The following MED12L variants were observed in gnomAD, a reference collection of about 807,000 sequenced individuals.
The protein encoded by MED12L is mediator of RNA polymerase II transcription subunit 12-like protein.
Under a neutral mutation model 281.3 loss-of-function variants are expected in MED12L, and 60 were observed. The ratio of observed to expected loss-of-function variants is 0.21; its 90% CI spans 0.17 to 0.26. The LOEUF is 0.26. Ranked by LOEUF, MED12L falls within the 10% of genes least tolerant of loss-of-function variation. The pLI is 1.00. For missense variants in MED12L, 2,146 were observed against 2,680.9 expected, an observed-to-expected ratio of 0.80 and a Z score of 4.41; for synonymous variants, 974 against 987.2, an observed-to-expected ratio of 0.99 and a Z score of 0.25.
chr3:151,166,028 GTTT>G (rs750834117), intron 11 of MED12L, 46 bp downstream of exon 11: 2 of 1,529,604 alleles, frequency 1.3e-6, no homozygotes, highest in African/African-American at 2.8e-5. Context: ...TTTTCATAGT[GTTT>G]TTTTCTTCTT....
chr3:151,293,763 A>G (rs907657284), intron 16 of MED12L, among the ~76,000 whole-genome samples: 22 of 152,182 alleles, frequency 1.4e-4, no homozygotes, highest in African/African-American at 5.1e-4. Flanking sequence ...GATGACTGCC[A>G]AAGATCTTAG....
intron 5 of MED12L, among the ~76,000 whole-genome samples, chr3:151,151,305 G>C (rs1472497227): frequency 6.6e-6 from 1 of 151,788 alleles, no homozygotes; most frequent in Non-Finnish European, 1.5e-5. Flanking sequence ...CCAAAGTGCT[G>C]GGATTACAGG....
intron 3 of MED12L, among the ~76,000 whole-genome samples, chr3:151,117,684 T>C (rs1407179841): frequency 1.3e-5 from 2 of 150,390 alleles, no homozygotes; most frequent in African/African-American, 2.5e-5. Context: ...GTAGAATTTT[T>C]CTACAATACT....
chr3:151,189,026 A>G (rs751740620), intron 13 of MED12L, among the ~76,000 whole-genome samples: 4 of 152,190 alleles, frequency 2.6e-5, no homozygotes, highest in Non-Finnish European at 5.9e-5. Flanking sequence ...GTGGGTGAAC[A>G]CTTTTGAAAT....
Position 151,417,479 on chromosome 3 carries a change from C to CCG in MED12L, c.6408+1058_6408+1059insGC, listed in dbSNP as rs373073803. ...CAGTTTGTTCCGCTCCCCCAGCTCC[C>CCG]CCCCCGCCTTTTTTTTTTTTTTTTT... On this transcript the variant is annotated intron_variant, in intron 43 of 44. Transcript: ENST00000687756. Among the ~76,000 whole-genome samples the CCG allele has an allele frequency of 6.2e-3, 674 of 108,714 alleles. 19 individuals carry two copies. The highest frequency in any genetic ancestry group is 0.021 in the African/African-American group (634 of 30,220). 71.3% of individuals were successfully genotyped at this position (108,714 alleles called of 152,430 possible).
chr3:151,282,051 C>A (rs1411668270), intron 16 of MED12L, among the ~76,000 whole-genome samples: 1 of 152,112 alleles, frequency 6.6e-6, no homozygotes, highest in Non-Finnish European at 1.5e-5. Context: ...CTTTTGAAAT[C>A]ATTTTTCTTT....
intron 16 of MED12L, among the ~76,000 whole-genome samples, chr3:151,235,650 C>T (rs1005058647): frequency 2.6e-5 from 4 of 152,024 alleles, no homozygotes; most frequent in South Asian, 2.1e-4. Flanking sequence ...GCTGAGGTCG[C>T]GCCACTGCAC....
At chr3:151,150,730 G>T (rs911288840) in intron 5 of MED12L, among the ~76,000 whole-genome samples, 1 of 152,200 alleles carries the variant, frequency 6.6e-6, no homozygotes, top group Non-Finnish European at 1.5e-5. Context: ...AGATCTTCTG[G>T]ATCACTTGTG....
chr3:151,267,498 G>A (rs1740058162), intron 16 of MED12L, among the ~76,000 whole-genome samples: 1 of 152,082 alleles, frequency 6.6e-6, no homozygotes, highest in African/African-American at 2.4e-5. Context: ...GTGAATCTGG[G>A]TAATTGTTAA....
At chr3:151,165,668 T>G in intron 10 of MED12L, 149 bp downstream of exon 10, 2 of 929,088 alleles carry the variant, frequency 2.2e-6, no homozygotes, top group South Asian at 1.6e-5. Flanking sequence ...TTATGCCTTT[T>G]AGATCCTGGC....
chr3:151,356,824 TAA>T (rs960908578), intron 19 of MED12L, among the ~76,000 whole-genome samples: 5 of 152,208 alleles, frequency 3.3e-5, no homozygotes, highest in Non-Finnish European at 7.3e-5. Flanking sequence ...CAAACAGAAA[TAA>T]GACTTGGTTT....
intron 16 of MED12L, among the ~76,000 whole-genome samples, chr3:151,305,949 A>T (rs1577287826): frequency 6.6e-6 from 1 of 152,310 alleles, no homozygotes; most frequent in Admixed American, 6.5e-5. Flanking sequence ...ACAATCCAGC[A>T]CTATTAGTTG....
chr3:151,320,719 T>C (rs1469337851), intron 16 of MED12L, among the ~76,000 whole-genome samples: 1 of 152,144 alleles, frequency 6.6e-6, no homozygotes, highest in African/African-American at 2.4e-5. Flanking sequence ...TCTCTGACTG[T>C]TGTCCTTTTA....
At chr3:151,186,138 A>G (rs1031183332) in intron 12 of MED12L, among the ~76,000 whole-genome samples, 1 of 152,222 alleles carries the variant, frequency 6.6e-6, no homozygotes, top group African/African-American at 2.4e-5. Flanking sequence ...CCTTGGAAGT[A>G]AATTATAAGG....
At chr3:151,103,256 C>T (rs1016507700) in intron 2 of MED12L, among the ~76,000 whole-genome samples, 1 of 152,010 alleles carries the variant, frequency 6.6e-6, no homozygotes, top group Non-Finnish European at 1.5e-5. Context: ...TTTCTGAGAG[C>T]CACATCCAGG....
chr3:151,241,394 T>C (rs1734046167), intron 16 of MED12L, among the ~76,000 whole-genome samples: 1 of 152,232 alleles, frequency 6.6e-6, no homozygotes, highest in Admixed American at 6.5e-5. Context: ...CTTTTACTCT[T>C]GATTTTTTTC....
At chr3:151,286,851 G>T (rs1472500925) in intron 16 of MED12L, among the ~76,000 whole-genome samples, 1 of 152,082 alleles carries the variant, frequency 6.6e-6, no homozygotes, top group Non-Finnish European at 1.5e-5. Context: ...AATTATAAGG[G>T]AATAAAATGA....
chr3:151,403,529 T>A (rs1479999466), intron 39 of MED12L, among the ~76,000 whole-genome samples: 1 of 152,238 alleles, frequency 6.6e-6, no homozygotes, highest in African/African-American at 2.4e-5. Flanking sequence ...CTATTTTCTT[T>A]CCAGTATGGA....
chr3:151,376,435 A>G (rs374489156), intron 28 of MED12L, among the ~76,000 whole-genome samples: 2 of 152,150 alleles, frequency 1.3e-5, no homozygotes, highest in East Asian at 1.9e-4. Flanking sequence ...TTAAATCAGT[A>G]TTGTATTTAC....
Sources: allele counts gnomAD v4.1 joint callset (sites outside exome capture counted in the v4.1 genomes callset), GRCh38; gene constraint gnomAD v4.1.1; transcripts MANE v1.5; gene names NCBI Gene and HGNC (gene_info 2026-07-23, HGNC 2026-07-21).